Variants in RAPGEF1 observed in about 807,000 individuals in gnomAD.
The protein encoded by RAPGEF1 is CRK SH3-binding GNRP.
Under a neutral mutation model 143.3 loss-of-function variants are expected in RAPGEF1, and 33 were observed. The ratio of observed to expected loss-of-function variants is 0.23; its 90% CI spans 0.17 to 0.31. The LOEUF (loss-of-function observed/expected upper bound fraction) is 0.31. Among genes scored for constraint, RAPGEF1 ranks in the 10% least tolerant of loss-of-function variants. The probability of loss-of-function intolerance (pLI) is 1.00; values close to 1 mark genes in which losing one functional copy is unlikely to be tolerated. For missense variants in RAPGEF1, 1,199 were observed against 1,645.4 expected (o/e 0.73, Z 4.69); for synonymous variants, 629 against 676.5 (o/e 0.93, Z 1.09).
chr9:131,602,102 G>A lies in RAPGEF1; in HGVS notation c.2460C>T (p.Val820=). The A allele has an allele frequency of 6.2e-7, 1 of 1,604,164 alleles. No individual in the cohort carries two copies. Among genetic ancestry groups the A allele is most frequent in the Non-Finnish European group, 8.5e-7 (1 of 1,176,050 alleles). ...KDGHPRDPSA[V]SGVPGKDSRD... ...TGCTGTCCTTCCCAGGGACGCCGCT[G>A]ACCGCTGAGGGATCTCTGGGATGTC... The change falls in exon 15 of 27, where the codon GTC becomes GTT. Residue 820 remains valine, a synonymous_variant. Coordinates refer to ENST00000683357, the MANE Select transcript of RAPGEF1 (RefSeq NM_001377935.1).
At chr9:131,727,612 A>C (rs1836762910) in intron 1 of RAPGEF1, among the ~76,000 whole-genome samples, 1 of 152,142 alleles carries the variant, frequency 6.6e-6, no homozygotes, top group African/African-American at 2.4e-5. Flanking sequence ...ACTTTAGCCT[A>C]CAGAATTTCC....
intron 1 of RAPGEF1, among the ~76,000 whole-genome samples, chr9:131,713,475 C>G (rs922239805): frequency 2.0e-5 from 3 of 152,164 alleles, no homozygotes; most frequent in African/African-American, 7.2e-5. Context: ...CCAGAGGAGG[C>G]AGGAGGGCAG....
intron 1 of RAPGEF1, 104 bp from the exon 2 acceptor site, chr9:131,651,053 T>C (rs1970958545): frequency 1.5e-6 from 2 of 1,366,666 alleles, no homozygotes; most frequent in South Asian, 2.9e-5. Context: ...ATCTTTTTTC[T>C]TGGCTGTTGA....
rs914961670 is a variant in RAPGEF1 at position 131,577,540 on chromosome 9, A to C, written c.*1957T>G. 6.6e-6 allele frequency: 1 copy of C among 152,246 alleles called. No individual in the cohort carries two copies. The highest frequency in any genetic ancestry group is 1.5e-5 in the Non-Finnish European group (1 of 68,056). The allele number at this position is 152,246 out of a possible 1,614,324, so 9.4% of individuals were successfully genotyped here. On this transcript the variant is annotated 3_prime_UTR_variant, in exon 27 of 27. Coordinates refer to ENST00000683357, the MANE Select transcript of RAPGEF1 (RefSeq NM_001377935.1). Reference sequence around the variant, plus strand: ...AGATGGGGACTCCTGCGAGTCTCACAAATACAGGGAGAATTTCAGTTCACA... The same window carrying C: ...AGATGGGGACTCCTGCGAGTCTCACCAATACAGGGAGAATTTCAGTTCACA...
Position 131,598,326 on chromosome 9 carries a change from G to A in RAPGEF1, c.2502-16C>T. 1 of 1,608,480 alleles carries A rather than the reference G, an allele frequency of 6.2e-7. No individual in the cohort carries two copies. The highest frequency in any genetic ancestry group is 8.5e-7 in the Non-Finnish European group (1 of 1,176,030). The stretch of plus-strand genomic sequence containing the variant: ...CTTTGGGGCCCTGCGGGGAGAAGTG[G>A]TTTGTGTTGCAAGTGTCAAACCGGC... On this transcript the variant is annotated splice_polypyrimidine_tract_variant and intron_variant, in intron 15 of 26. Transcript: ENST00000683357.
In RAPGEF1 at chr9:131,628,039, C is replaced by T. The variant is rs753703794; in HGVS notation, c.1075G>A (p.Gly359Ser). 3.2e-6 allele frequency: 5 copies of T among 1,565,822 alleles called. No individual in the cohort carries two copies. Among genetic ancestry groups the T allele is most frequent in the Non-Finnish European group, 4.3e-6 (5 of 1,155,680 alleles). Residue 359 changes from glycine to serine, a missense_variant, in exon 9 of 27, where the codon GGT (glycine) becomes AGT (serine). Physicochemically the swap from Gly to Ser is moderately conservative, Grantham distance 56 (BLOSUM62 0). Around this residue, in one of 6 missense-constraint regions of RAPGEF1, gnomAD observed 613 missense variants for 710.9 expected, o/e 0.86. Transcript: ENST00000683357. The surrounding 1 kb of genome is among the most constrained non-coding windows in gnomAD (Gnocchi z 5.7). ...GGGGAGAGGCGGGGCGACTCTCCAC[C>T]ATATGAGTGGCTGCCTCCTGACAGT... ...RRLSGGSHSY[G>S]GESPRLSPCS...
chr9:131,619,186 G>T lies in RAPGEF1; in HGVS notation c.1926C>A (p.Ser642=). The T allele has an allele frequency of 7.7e-7, 1 of 1,306,024 alleles. No individual in the cohort carries two copies. 80.9% of individuals were successfully genotyped at this position (1,306,024 alleles called of 1,614,324 possible). A position where few individuals can be genotyped will look rare whatever the true frequency, so the allele number is the denominator to read the frequency against. Residue 642 remains serine, a synonymous_variant, in exon 12 of 27, where the codon TCC becomes TCA. Coordinates refer to ENST00000683357, the MANE Select transcript of RAPGEF1 (RefSeq NM_001377935.1). ...QRQLASCAAS[S]FSSVSHCVQQ... ...GGACACAGTGGGAGACAGAGGAGAA[G>T]GAAGAAGCAGCACAGGAGGCCTGCT...
chr9:131,717,183 G>A (rs1471017045), intron 1 of RAPGEF1, among the ~76,000 whole-genome samples: 1 of 152,194 alleles, frequency 6.6e-6, no homozygotes, highest in Non-Finnish European at 1.5e-5. Flanking sequence ...TGATGCCTCT[G>A]CCCTTTACAA....
Position 131,584,701 on chromosome 9 carries a change from C to T in RAPGEF1, c.3234-105G>A, listed in dbSNP as rs986421681. 18 of 1,062,546 alleles carry T rather than the reference C, an allele frequency of 1.7e-5. No homozygotes were observed. Among genetic ancestry groups the T allele is most frequent in the Non-Finnish European group, 2.4e-5 (17 of 697,038 alleles). The allele number at this position is 1,062,546 out of a possible 1,614,324, so 65.8% of individuals were successfully genotyped here. ...TGTACGACCCCCATGCCAGTGGCCACGAGCCCACCCCTACTGAATACCTGC... is the reference window on the plus strand; with the variant it reads ...TGTACGACCCCCATGCCAGTGGCCATGAGCCCACCCCTACTGAATACCTGC... On this transcript the variant is annotated intron_variant, in intron 22 of 26. Coordinates refer to ENST00000683357, the MANE Select transcript of RAPGEF1 (RefSeq NM_001377935.1). This position sits in a 1 kb window ranked among gnomAD's most constrained non-coding sequence, Gnocchi z 6.8.
chr9:131,702,874 G>A (rs1367429347), intron 1 of RAPGEF1, among the ~76,000 whole-genome samples: 1 of 152,108 alleles, frequency 6.6e-6, no homozygotes, highest in Non-Finnish European at 1.5e-5. Context: ...CAGTTATTAA[G>A]ACCACATAGA....
At chr9:131,727,326 T>C (rs1484738417) in intron 1 of RAPGEF1, among the ~76,000 whole-genome samples, 2 of 152,186 alleles carry the variant, frequency 1.3e-5, no homozygotes, top group Admixed American at 6.5e-5. Context: ...GGCAGAAACA[T>C]GTCCACACAT....
rs1381850376 is a variant in RAPGEF1 at position 131,655,061 on chromosome 9, G to A, written c.62-4112C>T. On this transcript the variant is annotated intron_variant, in intron 1 of 26. Coordinates refer to ENST00000683357, the MANE Select transcript of RAPGEF1 (RefSeq NM_001377935.1). The surrounding 1 kb of genome is among the most constrained non-coding windows in gnomAD (Gnocchi z 4.1). The stretch of plus-strand genomic sequence containing the variant: ...CTCCAAATAAATAGCACGGCACCTT[G>A]CACTACATGGCTCTCACTCTGTCTA... 6.6e-6 allele frequency among the ~76,000 whole-genome samples: 1 copy of A among 152,194 alleles called. No homozygotes were observed. Among genetic ancestry groups the A allele is most frequent in the Admixed American group, 6.5e-5 (1 of 15,276 alleles).
chr9:131,619,012 C>A (rs749256416), intron 12 of RAPGEF1, 39 bp downstream of exon 12: 29 of 1,338,042 alleles, frequency 2.2e-5, no homozygotes, highest in Non-Finnish European at 2.2e-5. Flanking sequence ...CGGCCCTGTT[C>A]ACGCGTTTCC....
intron 1 of RAPGEF1, among the ~76,000 whole-genome samples, chr9:131,685,595 A>T (rs942520967): frequency 6.6e-6 from 1 of 152,196 alleles, no homozygotes. Context: ...CGTTTCCCAT[A>T]AGGGATACTT....
chr9:131,616,360 A>G (rs1959010068), intron 12 of RAPGEF1, among the ~76,000 whole-genome samples: 2 of 152,174 alleles, frequency 1.3e-5, no homozygotes, highest in South Asian at 2.1e-4. Flanking sequence ...CGCAGGCTTC[A>G]TGCCCGTCTT....
At chr9:131,594,842 G>A (rs1047410001) in intron 17 of RAPGEF1, among the ~76,000 whole-genome samples, 2 of 152,174 alleles carry the variant, frequency 1.3e-5, no homozygotes, top group East Asian at 1.9e-4. Flanking sequence ...GGCTGTACCC[G>A]ACAGGACAGT....
At chr9:131,595,196 G>A (rs1287612853) in intron 17 of RAPGEF1, among the ~76,000 whole-genome samples, 2 of 152,272 alleles carry the variant, frequency 1.3e-5, no homozygotes, top group East Asian at 3.8e-4. Flanking sequence ...TCATGGCACA[G>A]CTGGGGCTAG....
intron 1 of RAPGEF1, among the ~76,000 whole-genome samples, chr9:131,721,928 T>C (rs1836296252): frequency 6.6e-6 from 1 of 152,252 alleles, no homozygotes. Context: ...CTGTGGATTT[T>C]GGTATCCACT....
chr9:131,623,164 C>T (rs1302076399), intron 10 of RAPGEF1, among the ~76,000 whole-genome samples: 2 of 152,094 alleles, frequency 1.3e-5, no homozygotes, highest in African/African-American at 4.8e-5. Flanking sequence ...CAAACTGCTC[C>T]CTAAAAAGAC....
Sources: gnomAD v4.1 joint callset for allele counts (sites outside exome capture counted in the v4.1 genomes callset) on GRCh38, gnomAD v4.1.1 for gene constraint, gnomAD v4.1.1 regional missense constraint, Gnocchi (gnomAD v3.1) non-coding constraint, MANE v1.5 for transcripts, NCBI Gene and HGNC (gene_info 2026-07-23, HGNC 2026-07-21) for gene names.